The following NDST4 variants were observed in gnomAD, a reference collection of about 807,000 sequenced individuals.
NDST4 encodes the protein N-heparan sulfate sulfotransferase 4.
NDST4 carries 63 observed loss-of-function variants against 100.8 expected under a neutral mutation model. The observed-to-expected ratio is 0.62, with a 90% confidence interval of 0.51 to 0.77. The LOEUF is 0.77. Ranked by LOEUF, NDST4 falls within the 30% of genes least tolerant of loss-of-function variation. The pLI is 0.00. For synonymous variants in NDST4, 377 were observed against 361.8 expected, an observed-to-expected ratio of 1.04 and a Z score of -0.48; for missense variants, 943 against 1,018.4, an observed-to-expected ratio of 0.93 and a Z score of 1.01.
chr4:114,938,591 C>A (rs1044717698), intron 4 of NDST4, among the ~76,000 whole-genome samples: 2 of 152,160 alleles, frequency 1.3e-5, no homozygotes, highest in Admixed American at 6.5e-5. Context: ...ATAAACAGAA[C>A]ACAAAAGTGT....
chr4:114,995,354 T>C (rs757892693), intron 2 of NDST4, among the ~76,000 whole-genome samples: 6 of 152,112 alleles, frequency 3.9e-5, no homozygotes, highest in Non-Finnish European at 7.4e-5. Flanking sequence ...CATAATCATG[T>C]ATACTATTGA....
chr4:115,077,273 T>C lies in NDST4; in HGVS notation c.-237A>G. 1 of 311,326 alleles carries C rather than the reference T, an allele frequency of 3.2e-6. No individual in the cohort carries two copies. The allele number at this position is 311,326 out of a possible 1,614,324, so 19.3% of individuals were successfully genotyped here. ...TACTGAGAATTGCTGCAGAATCCTC[T>C]AAGCATAATCTGAAAGAGAGGAGAG... On this transcript the variant is annotated 5_prime_UTR_variant, in exon 2 of 14. Coordinates refer to ENST00000264363, the MANE Select transcript of NDST4 (RefSeq NM_022569.3).
intron 2 of NDST4, among the ~76,000 whole-genome samples, chr4:115,025,343 C>G (rs78923930): frequency 6.6e-6 from 1 of 152,090 alleles, no homozygotes; most frequent in Non-Finnish European, 1.5e-5. Flanking sequence ...TTATGCTACT[C>G]GGATTTGACA....
chr4:115,103,524 T>G (rs1293872949), intron 1 of NDST4, among the ~76,000 whole-genome samples: 1 of 152,196 alleles, frequency 6.6e-6, no homozygotes, highest in Non-Finnish European at 1.5e-5. Flanking sequence ...GATTATTTTC[T>G]AACTATATAT....
At chr4:114,909,478 G>A (rs1239435210) in intron 6 of NDST4, among the ~76,000 whole-genome samples, 1 of 150,484 alleles carries the variant, frequency 6.6e-6, no homozygotes, top group Non-Finnish European at 1.5e-5. Context: ...GGCTAACAAG[G>A]TGAAACCCCG....
Position 114,839,388 on chromosome 4 carries a change from G to A in NDST4, c.2276C>T (p.Ala759Val). Residue 759 changes from alanine (A) to valine (V), a missense_variant, in exon 11 of 14, where the codon GCT (alanine) becomes GTT (valine). By Grantham distance (64) the Ala-to-Val change is moderately conservative (BLOSUM62 0). Coordinates refer to ENST00000264363, the MANE Select transcript of NDST4 (RefSeq NM_022569.3). Reference sequence around the variant, plus strand: ...ATTTCAGGACATTACCTGAGAAGTAGCAAAGTAAGTTAGCCATCTTTCTAT... The same window carrying A: ...ATTTCAGGACATTACCTGAGAAGTAACAAAGTAAGTTAGCCATCTTTCTAT... ...VHIERWLTYF[A>V]TSQLLIIDGQ... 1.2e-6 allele frequency: 2 copies of A among 1,609,858 alleles called. No homozygotes were observed. Among genetic ancestry groups the A allele is most frequent in the Non-Finnish European group, 1.7e-6 (2 of 1,177,534 alleles).
chr4:114,828,926 T>C (rs999007070), intron 13 of NDST4, among the ~76,000 whole-genome samples: 1 of 152,152 alleles, frequency 6.6e-6, no homozygotes, highest in African/African-American at 2.4e-5. Flanking sequence ...CACCAGGTAT[T>C]TCATTATGTT....
intron 6 of NDST4, among the ~76,000 whole-genome samples, chr4:114,881,956 T>A (rs554384545): frequency 1.8e-4 from 23 of 126,078 alleles, no homozygotes; most frequent in East Asian, 1.2e-3. Flanking sequence ...TTAGATATAT[T>A]TTTTTTAAAT....
chr4:114,925,721 A>G, intron 6 of NDST4, among the ~76,000 whole-genome samples: 1 of 152,148 alleles, frequency 6.6e-6, no homozygotes, highest in Non-Finnish European at 1.5e-5. Flanking sequence ...TAGTGAGTCT[A>G]GGCACTGCTC....
intron 8 of NDST4, among the ~76,000 whole-genome samples, chr4:114,852,018 C>A (rs1382611123): frequency 6.6e-6 from 1 of 152,112 alleles, no homozygotes; most frequent in Non-Finnish European, 1.5e-5. Flanking sequence ...CTCAATAAAA[C>A]TTTAATTAAT....
intron 6 of NDST4, among the ~76,000 whole-genome samples, chr4:114,872,307 C>T (rs1382708527): frequency 6.6e-6 from 1 of 151,916 alleles, no homozygotes; most frequent in African/African-American, 2.4e-5. Flanking sequence ...TAAGTTAAAA[C>T]CCCACTATAG....
rs80047310 is a variant in NDST4, at chr4:115,102,021, A to T, written c.-247+11423T>A. 3.5e-3 allele frequency among the ~76,000 whole-genome samples: 529 copies of T among 152,276 alleles called. 2 individuals carry two copies. Among genetic ancestry groups the T allele is most frequent in the African/African-American group, 0.012 (503 of 41,588 alleles). On this transcript the variant is annotated intron_variant, in intron 1 of 13. Transcript: ENST00000264363. ...TGTGACAAGTCAGGGGAGTGACATG[A>T]TCAACTTTGTCCTTAATATTACAAT... is the stretch of plus-strand genomic sequence containing the variant.
rs564023149 is a variant in NDST4 at position 115,076,440 on chromosome 4, A to G, written c.597T>C (p.Ser199=). ...GGGCTTTGGTAATATGCAGCAAAGG[A>G]GATTGAGGGTTAACAAAACAGTCCT... The part of the protein sequence containing the change: ...ALKDCFVNPQ[S]PLLHITKAPK... Residue 199 remains serine (S), a synonymous_variant, in exon 2 of 14, where the codon TCT becomes TCC. Transcript: ENST00000264363. 71 of 1,613,824 alleles carry G rather than the reference A, an allele frequency of 4.4e-5. 1 individual carries two copies. The South Asian group carries it at 7.0e-4, about 16-fold the overall frequency.
At chr4:114,841,172 A>G (rs1412946362) in intron 10 of NDST4, among the ~76,000 whole-genome samples, 1 of 152,210 alleles carries the variant, frequency 6.6e-6, no homozygotes, top group Non-Finnish European at 1.5e-5. Context: ...ATATTCCTGC[A>G]ACTAAGTAGA....
At chr4:114,856,865 T>C (rs993247125) in intron 7 of NDST4, among the ~76,000 whole-genome samples, 1 of 152,206 alleles carries the variant, frequency 6.6e-6, no homozygotes, top group Non-Finnish European at 1.5e-5. Context: ...GGTCTGGACA[T>C]CTTGAGCACA....
At chr4:115,101,994 T>A (rs1729739659) in intron 1 of NDST4, among the ~76,000 whole-genome samples, 1 of 152,074 alleles carries the variant, frequency 6.6e-6, no homozygotes, top group Admixed American at 6.6e-5. Flanking sequence ...AAAACACAAA[T>A]CTGTGACAAG....
chr4:115,035,249 T>G (rs538019141), intron 2 of NDST4, among the ~76,000 whole-genome samples: 1 of 152,212 alleles, frequency 6.6e-6, no homozygotes, highest in African/African-American at 2.4e-5. Flanking sequence ...ACAAGATTGG[T>G]TATAACTTAA....
At chr4:115,034,553 A>C (rs1238578615) in intron 2 of NDST4, among the ~76,000 whole-genome samples, 1 of 152,158 alleles carries the variant, frequency 6.6e-6, no homozygotes, top group Non-Finnish European at 1.5e-5. Flanking sequence ...CATTAAGTTT[A>C]AATATGTAGG....
At chr4:115,037,330 T>C (rs1441548870) in intron 2 of NDST4, among the ~76,000 whole-genome samples, 1 of 152,050 alleles carries the variant, frequency 6.6e-6, no homozygotes, top group East Asian at 1.9e-4. Context: ...AGATGGTATT[T>C]TAGTTGGACA....
Sources: gnomAD v4.1 joint callset for allele counts (sites outside exome capture counted in the v4.1 genomes callset) on GRCh38, gnomAD v4.1.1 for gene constraint, MANE v1.5 for transcripts, NCBI Gene and HGNC (gene_info 2026-07-23, HGNC 2026-07-21) for gene names.